Variants in CDH13 observed in about 807,000 individuals in gnomAD.
The protein encoded by CDH13 is cadherin-13.
CDH13 carries 24 observed loss-of-function variants against 63.8 expected under a neutral mutation model. That is an observed-to-expected ratio of 0.38 (90% confidence interval 0.27 to 0.53). The LOEUF is 0.53. Among genes scored for constraint, CDH13 ranks in the 20% least tolerant of loss-of-function variants. CDH13 has a pLI of 0.85. For synonymous variants in CDH13, 503 were observed against 355.3 expected (o/e 1.42, Z -4.67); for missense variants, 1,049 against 903.1 (o/e 1.16, Z -2.07).
intron 2 of CDH13, among the ~76,000 whole-genome samples, chr16:83,016,049 G>A (rs935867773): frequency 6.6e-6 from 1 of 152,048 alleles, no homozygotes; most frequent in African/African-American, 2.4e-5. Flanking sequence ...CCTTTAACAA[G>A]TGGCAAGGCA....
chr16:83,026,546 C>G (rs8057458), intron 2 of CDH13, among the ~76,000 whole-genome samples: 15,467 of 151,964 alleles, frequency 0.1, 941 homozygotes, highest in African/African-American at 0.16. Context: ...ACTTGTAGTA[C>G]CTAAACAGAT....
At chr16:83,557,718 A>G (rs2075631136) in intron 7 of CDH13, among the ~76,000 whole-genome samples, 1 of 152,000 alleles carries the variant, frequency 6.6e-6, no homozygotes, top group Admixed American at 6.6e-5. Flanking sequence ...CCGTCTTCCT[A>G]GATAGTACTG....
chr16:83,262,808 G>T (rs1046229782), intron 5 of CDH13, among the ~76,000 whole-genome samples: 4 of 152,160 alleles, frequency 2.6e-5, no homozygotes, highest in African/African-American at 9.7e-5. Context: ...ATTTGGGGTG[G>T]TTTCAATGGT....
intron 7 of CDH13, among the ~76,000 whole-genome samples, chr16:83,494,832 G>C (rs1005816731): frequency 1.1e-4 from 17 of 152,148 alleles, no homozygotes; most frequent in African/African-American, 4.1e-4. Context: ...CTTTTCATAG[G>C]ATAAAAGCTT....
chr16:83,662,167 G>A (rs1208995788), intron 8 of CDH13, among the ~76,000 whole-genome samples: 1 of 152,114 alleles, frequency 6.6e-6, no homozygotes, highest in African/African-American at 2.4e-5. Flanking sequence ...TTGTTGAGAT[G>A]CTATTCCTTA....
At chr16:83,120,805 C>T (rs986085091) in intron 3 of CDH13, among the ~76,000 whole-genome samples, 1 of 140,954 alleles carries the variant, frequency 7.1e-6, no homozygotes, top group Non-Finnish European at 1.5e-5. Context: ...ACCGTGTCAC[C>T]CAGGCTGGAG....
chr16:83,142,198 A>G (rs1159588779), intron 4 of CDH13, among the ~76,000 whole-genome samples: 1 of 126,534 alleles, frequency 7.9e-6, no homozygotes, highest in Non-Finnish European at 1.6e-5. Flanking sequence ...GTCTCATCCT[A>G]TCACCCAGCT....
At chr16:82,780,667 C>T (rs1327613161) in intron 1 of CDH13, among the ~76,000 whole-genome samples, 1 of 152,196 alleles carries the variant, frequency 6.6e-6, no homozygotes, top group East Asian at 1.9e-4. Flanking sequence ...AATAAACTTA[C>T]ATTAGAAATA....
chr16:82,852,698 G>A (rs1187212798), intron 1 of CDH13, among the ~76,000 whole-genome samples: 1 of 152,202 alleles, frequency 6.6e-6, no homozygotes, highest in Non-Finnish European at 1.5e-5. Flanking sequence ...ATGCCTAGAT[G>A]TCCAAGCAAG....
At chr16:83,633,692 C>T (rs776175168) in intron 8 of CDH13, among the ~76,000 whole-genome samples, 18 of 152,224 alleles carry the variant, frequency 1.2e-4, no homozygotes, top group African/African-American at 2.2e-4. Flanking sequence ...ACTGGCTTTC[C>T]GTAGCACTTT....
At chr16:83,462,158 C>T (rs2073198430) in intron 6 of CDH13, among the ~76,000 whole-genome samples, 1 of 152,240 alleles carries the variant, frequency 6.6e-6, no homozygotes, top group Admixed American at 6.5e-5. Flanking sequence ...TCTACATCTG[C>T]CTTGCAGTTC....
chr16:83,692,074 C>T (rs565672607), intron 10 of CDH13, among the ~76,000 whole-genome samples: 1 of 152,188 alleles, frequency 6.6e-6, no homozygotes, highest in Non-Finnish European at 1.5e-5. Flanking sequence ...CCGTCGTCAC[C>T]TCTCTGCTCT....
chr16:83,532,800 C>T (rs2075109110), intron 7 of CDH13, among the ~76,000 whole-genome samples: 1 of 152,212 alleles, frequency 6.6e-6, no homozygotes, highest in Non-Finnish European at 1.5e-5. Flanking sequence ...GCAGTTGTCC[C>T]ATTAAGCCAT....
At chr16:83,159,299 A>C (rs2037348068) in intron 4 of CDH13, among the ~76,000 whole-genome samples, 1 of 152,232 alleles carries the variant, frequency 6.6e-6, no homozygotes, top group Non-Finnish European at 1.5e-5. Context: ...GCTTTTAAAA[A>C]TAAAGCCAAT....
At chr16:83,415,087 C>G (rs1354665028) in intron 6 of CDH13, among the ~76,000 whole-genome samples, 1 of 151,582 alleles carries the variant, frequency 6.6e-6, no homozygotes. Flanking sequence ...GGGAACATTA[C>G]CACTTATACC....
At chr16:83,414,986 T>G (rs2092179341) in intron 6 of CDH13, among the ~76,000 whole-genome samples, 1 of 152,002 alleles carries the variant, frequency 6.6e-6, no homozygotes, top group Non-Finnish European at 1.5e-5. Flanking sequence ...AAGTTGGTTT[T>G]TTGAAAAGAT....
At chr16:83,590,177 A>T (rs1350151037) in intron 7 of CDH13, among the ~76,000 whole-genome samples, 1 of 152,208 alleles carries the variant, frequency 6.6e-6, no homozygotes, top group Non-Finnish European at 1.5e-5. Flanking sequence ...GTCCTTGGTC[A>T]GATGGTAGCT....
At chr16:82,853,993 G>T (rs1054553624) in intron 1 of CDH13, among the ~76,000 whole-genome samples, 1 of 152,164 alleles carries the variant, frequency 6.6e-6, no homozygotes, top group Non-Finnish European at 1.5e-5. Flanking sequence ...CAGCAATGAG[G>T]GGTGCTGCTT....
At chr16:83,017,611 T>C (rs188002132) in intron 2 of CDH13, among the ~76,000 whole-genome samples, 3 of 152,338 alleles carry the variant, frequency 2.0e-5, no homozygotes, top group African/African-American at 7.2e-5. Flanking sequence ...ATCAAGTATT[T>C]AGTCCACGGA....
Sources: allele counts gnomAD v4.1 joint callset (sites outside exome capture counted in the v4.1 genomes callset), GRCh38; gene constraint gnomAD v4.1.1; transcripts MANE v1.5; gene names NCBI Gene and HGNC (gene_info 2026-07-23, HGNC 2026-07-21).